RGS7: variants seen among roughly 807,000 people sequenced by gnomAD.
The protein encoded by RGS7 is regulator of G-protein signaling 7.
Under a neutral mutation model 81.1 loss-of-function variants are expected in RGS7, and 27 were observed. The observed-to-expected ratio is 0.33, with a 90% CI of 0.25 to 0.46. The LOEUF is 0.46. Ranked by LOEUF, RGS7 falls within the 20% of genes least tolerant of loss-of-function variation. The pLI is 1.00. For missense variants in RGS7, 396 were observed against 607.4 expected, an observed-to-expected ratio of 0.65 and a Z score of 3.66; for synonymous variants, 208 against 207.7, an observed-to-expected ratio of 1.00 and a Z score of -0.01.
intron 18 of RGS7, among the ~76,000 whole-genome samples, chr1:240,787,355 C>A (rs752026455): frequency 6.6e-6 from 1 of 152,126 alleles, no homozygotes. Context: ...CATAGAGATG[C>A]TCCTTTATTC....
intron 2 of RGS7, among the ~76,000 whole-genome samples, chr1:241,233,696 C>T (rs549451604): frequency 6.6e-6 from 1 of 152,098 alleles, no homozygotes; most frequent in Non-Finnish European, 1.5e-5. Context: ...CTGCAAAGTA[C>T]ATGTGAGTGA....
At chr1:240,930,804 A>G (rs1675311448) in intron 5 of RGS7, 36 bp from the exon 6 acceptor site, 1 of 1,601,852 alleles carries the variant, frequency 6.2e-7, no homozygotes, top group African/African-American at 1.3e-5. Context: ...CAGATTAGAC[A>G]AATAAAAAAT....
At chr1:241,058,696 T>G (rs74533402) in intron 3 of RGS7, among the ~76,000 whole-genome samples, 5,290 of 152,314 alleles carry the variant, frequency 0.035, 95 homozygotes, top group Middle Eastern at 0.061. Flanking sequence ...AAGACGATGT[T>G]CATCTTTGAA....
At chr1:241,349,497 G>A (rs10926465) in intron 2 of RGS7, among the ~76,000 whole-genome samples, 144,291 of 152,308 alleles carry the variant, frequency 0.95, 68,839 homozygotes, top group East Asian at 1. Flanking sequence ...CAGTGGAGCT[G>A]GAATTGAGTT....
Position 241,334,950 on chromosome 1 carries a change from G to A in RGS7, c.78+20749C>T, listed in dbSNP as rs112915588. On this transcript the variant is annotated intron_variant, in intron 2 of 18. Coordinates refer to ENST00000440928, the MANE Select transcript of RGS7 (RefSeq NM_001364886.1). ...TCAGCAGGCAAGGGCACTGGGTTCT[G>A]CCAGTTTAATGTTCTGAACAATCAA... Among the ~76,000 whole-genome samples, 161 of 152,262 alleles carry A rather than the reference G, an allele frequency of 1.1e-3. 2 individuals are homozygous for A. Among genetic ancestry groups the A allele is most frequent in the African/African-American group, 3.7e-3 (152 of 41,562 alleles).
chr1:240,840,597 G>A (rs1572360956), intron 9 of RGS7, among the ~76,000 whole-genome samples: 1 of 152,160 alleles, frequency 6.6e-6, no homozygotes, highest in African/African-American at 2.4e-5. Context: ...TGTGTACCAG[G>A]CCCTTTTCTC....
rs747409265 is a variant in RGS7 at position 240,983,273 on chromosome 1, T to C, written c.176-144A>G. The C allele has an allele frequency of 1.4e-5, 7 of 515,170 alleles. No homozygotes were observed. The South Asian group carries it at 2.0e-4, about 15-fold the overall frequency. The allele number at this position is 515,170 out of a possible 1,614,324, so 31.9% of individuals were successfully genotyped here. A position where few individuals can be genotyped will look rare whatever the true frequency, so the allele number is the denominator to read the frequency against. On this transcript the variant is annotated intron_variant, in intron 3 of 18. Transcript: ENST00000440928. ...TGACAGATTAAGGATCTACCCCAGA[T>C]GGAATGCTGAAAACACAAAGTATGG... is the stretch of plus-strand genomic sequence containing the variant.
At chr1:241,012,584 T>C (rs981314006) in intron 3 of RGS7, among the ~76,000 whole-genome samples, 3 of 152,206 alleles carry the variant, frequency 2.0e-5, no homozygotes, top group Non-Finnish European at 2.9e-5. Context: ...TCGGGTCAGT[T>C]ATACAGTGAA....
rs1250496402 is a variant in RGS7, at chr1:241,163,143, AG to A, written c.79-64382del. On this transcript the variant is annotated intron_variant, in intron 2 of 18. Coordinates refer to ENST00000440928, the MANE Select transcript of RGS7 (RefSeq NM_001364886.1). The surrounding 1 kb of genome is among the most constrained non-coding windows in gnomAD (Gnocchi z 4.6). ...CCATTTGCGGCTTAACACAGCCAAA[AG>A]GTCAGAAAGGGGGTTCATTCGAGGG... Among the ~76,000 whole-genome samples, 1 of 152,184 alleles carries A rather than the reference AG, an allele frequency of 6.6e-6. No individual in the cohort carries two copies. Among genetic ancestry groups the A allele is most frequent in the Non-Finnish European group, 1.5e-5 (1 of 68,030 alleles).
intron 3 of RGS7, among the ~76,000 whole-genome samples, chr1:241,064,567 C>A (rs1173936249): frequency 5.3e-5 from 8 of 151,588 alleles, no homozygotes; most frequent in African/African-American, 1.9e-4. Flanking sequence ...GGCAACAGAG[C>A]AAGACCCTGA....
At chr1:241,355,550 A>C in intron 2 of RGS7, 149 bp downstream of exon 2, 1 of 749,022 alleles carries the variant, frequency 1.3e-6, no homozygotes. Context: ...TGAGAATGTC[A>C]GATCACTTTC....
chr1:241,353,774 T>G (rs2083393011), intron 2 of RGS7, among the ~76,000 whole-genome samples: 2 of 152,272 alleles, frequency 1.3e-5, no homozygotes, highest in Middle Eastern at 6.8e-3. Context: ...CTGAAATCAT[T>G]ACAGTCTGTT....
intron 2 of RGS7, among the ~76,000 whole-genome samples, chr1:241,155,355 C>G (rs2069044192): frequency 2.0e-5 from 3 of 152,128 alleles, no homozygotes; most frequent in Admixed American, 1.3e-4. Context: ...TCCTCTGCCT[C>G]CCAAAGTGTT....
rs572198032 is a variant in RGS7 at position 240,988,329 on chromosome 1, G to A, written c.176-5200C>T. 4.0e-5 allele frequency among the ~76,000 whole-genome samples: 6 copies of A among 150,780 alleles called. No individual in the cohort carries two copies. In the East Asian group the frequency reaches 9.7e-4, roughly 24 times the overall value. ...TTTAACTCAATTTAATTTAAAACAC[G>A]GCAGAATTTCTTTAAATTAAACTCA... On this transcript the variant is annotated intron_variant, in intron 3 of 18. Transcript: ENST00000440928.
At chr1:240,946,466 G>T (rs1366916190) in intron 4 of RGS7, among the ~76,000 whole-genome samples, 2 of 152,030 alleles carry the variant, frequency 1.3e-5, no homozygotes, top group Admixed American at 1.3e-4. Context: ...AATTAGCAGG[G>T]CATGGTGGTG....
At chr1:241,292,217 C>T (rs1015776344) in intron 2 of RGS7, among the ~76,000 whole-genome samples, 1 of 152,156 alleles carries the variant, frequency 6.6e-6, no homozygotes, top group African/African-American at 2.4e-5. Context: ...TTACATACTT[C>T]TACTTACATA....
At chr1:241,026,990 G>C (rs796114864) in intron 3 of RGS7, among the ~76,000 whole-genome samples, 14 of 150,962 alleles carry the variant, frequency 9.3e-5, no homozygotes, top group African/African-American at 2.9e-4. Context: ...GAAAAAACAA[G>C]GTTCCAGCCT....
chr1:241,001,991 G>T (rs1688214123), intron 3 of RGS7, among the ~76,000 whole-genome samples: 1 of 152,116 alleles, frequency 6.6e-6, no homozygotes, highest in African/African-American at 2.4e-5. Flanking sequence ...CGATAATGAT[G>T]CATCAGTGGA....
rs147793054 is a variant in RGS7 at position 241,036,512 on chromosome 1, G to C, written c.176-53383C>G. 5.0e-3 allele frequency among the ~76,000 whole-genome samples: 757 copies of C among 152,286 alleles called. 5 individuals carry two copies. The highest frequency in any genetic ancestry group is 0.024 in the Middle Eastern group (7 of 294). On this transcript the variant is annotated intron_variant, in intron 3 of 18. Coordinates refer to ENST00000440928, the MANE Select transcript of RGS7 (RefSeq NM_001364886.1). ...CTACATTTATTACATCCAAAATATA[G>C]AGCAGCGCCAAGATCTGTCTAAGTC... is the stretch of plus-strand genomic sequence containing the variant.
Sources: allele counts gnomAD v4.1 joint callset (sites outside exome capture counted in the v4.1 genomes callset), GRCh38; gene constraint gnomAD v4.1.1; non-coding constraint Gnocchi (gnomAD v3.1); transcripts MANE v1.5; gene names NCBI Gene and HGNC (gene_info 2026-07-23, HGNC 2026-07-21).